AGO1: variants seen among roughly 807,000 people sequenced by gnomAD.
AGO1 encodes protein argonaute-1.
Under a neutral mutation model 109.2 loss-of-function variants are expected in AGO1, and 11 were observed. That is an observed-to-expected ratio of 0.10 (90% confidence interval 0.06 to 0.17). AGO1 has a LOEUF of 0.17. AGO1 is among the 10% of genes least tolerant of loss of function. The pLI, the probability that AGO1 is intolerant of heterozygous loss-of-function variation, is 1.00. For synonymous variants in AGO1, 422 were observed against 418.6 expected, an observed-to-expected ratio of 1.01 and a Z score of -0.10; for missense variants, 574 against 1,140.3, an observed-to-expected ratio of 0.50 and a Z score of 7.15.
intron 8 of AGO1, among the ~76,000 whole-genome samples, chr1:35,898,680 T>C (rs1645364057): frequency 6.6e-6 from 1 of 152,224 alleles, no homozygotes. Context: ...AATTATAATA[T>C]GAATCCATTG....
intron 1 of AGO1, among the ~76,000 whole-genome samples, chr1:35,870,377 A>C (rs867057479): frequency 4.0e-5 from 6 of 151,134 alleles, no homozygotes; most frequent in African/African-American, 1.2e-4. Flanking sequence ...TCCGCCTCCC[A>C]GGTTCACGCC....
At chr1:35,906,835 C>A in intron 11 of AGO1, 100 bp from the exon 12 acceptor site, 12 of 894,302 alleles carry the variant, frequency 1.3e-5, no homozygotes, top group South Asian at 1.9e-5. Flanking sequence ...ACCAATCTCT[C>A]AGTGCCTCTT....
intron 11 of AGO1, among the ~76,000 whole-genome samples, 176 bp downstream of exon 11, chr1:35,902,513 G>A (rs779987543): frequency 6.6e-6 from 1 of 152,090 alleles, no homozygotes; most frequent in African/African-American, 2.4e-5. Flanking sequence ...TGTGATCAGG[G>A]GAAGTTAATA....
intron 8 of AGO1, among the ~76,000 whole-genome samples, chr1:35,898,959 A>T (rs1223778494): frequency 1.3e-5 from 2 of 152,232 alleles, no homozygotes; most frequent in African/African-American, 4.8e-5. Context: ...GGCATTAAAT[A>T]CATTCATGCA....
At chr1:35,899,198 C>T (rs778580317) in intron 8 of AGO1, among the ~76,000 whole-genome samples, 34 of 152,162 alleles carry the variant, frequency 2.2e-4, no homozygotes, top group Admixed American at 3.9e-4. Context: ...AAGGTTCATC[C>T]GTGTTGTAGC....
At chr1:35,897,906 A>G (rs1571353448) in intron 8 of AGO1, among the ~76,000 whole-genome samples, 1 of 152,214 alleles carries the variant, frequency 6.6e-6, no homozygotes, top group East Asian at 1.9e-4. Context: ...GCAGTTATGC[A>G]CCATTCGTTC....
At chr1:35,876,462 T>C (rs1317257046) in intron 1 of AGO1, among the ~76,000 whole-genome samples, 1 of 152,006 alleles carries the variant, frequency 6.6e-6, no homozygotes. Flanking sequence ...GAGACTGGGT[T>C]TTACCGTGTT....
rs1187147064 is a variant in AGO1 at position 35,917,557 on chromosome 1, A to G, written c.2029-36A>G. ...TATGTGAACTCAAGAGGAACTGTGT[A>G]TTTCTTTGTTTCCCTCCCCATTTTT... On this transcript the variant is annotated intron_variant, in intron 15 of 18. Coordinates refer to ENST00000373204, the MANE Select transcript of AGO1 (RefSeq NM_012199.5). 10 of 1,598,788 alleles carry G rather than the reference A, an allele frequency of 6.3e-6. No homozygotes were observed. In the Admixed American group the frequency reaches 1.3e-4, roughly 21 times the overall value.
In AGO1 at chr1:35,901,898, A is replaced by G. The variant is rs1422772102; in HGVS notation, c.1141-50A>G. 1.6e-5 allele frequency: 24 copies of G among 1,538,802 alleles called. No individual in the cohort carries two copies. Among genetic ancestry groups the G allele is most frequent in the African/African-American group, 2.8e-5 (2 of 72,304 alleles). ...TCTCCTTGATACCCAGAGGGTGAGCAGTATTGCCAAGCTCCTGTTCTCCTG... is the reference window on the plus strand; with the variant it reads ...TCTCCTTGATACCCAGAGGGTGAGCGGTATTGCCAAGCTCCTGTTCTCCTG... On this transcript the variant is annotated intron_variant, in intron 9 of 18. Coordinates refer to ENST00000373204, the MANE Select transcript of AGO1 (RefSeq NM_012199.5). The surrounding 1 kb of genome is among the most constrained non-coding windows in gnomAD (Gnocchi z 4.8).
chr1:35,911,671 A>G (rs1157110146), intron 12 of AGO1, among the ~76,000 whole-genome samples: 3 of 152,206 alleles, frequency 2.0e-5, no homozygotes, highest in African/African-American at 7.2e-5. Context: ...CTTTTTAAAC[A>G]TGCTCAAATC....
At chr1:35,885,228 A>G (rs1032977478) in intron 1 of AGO1, among the ~76,000 whole-genome samples, 2 of 152,136 alleles carry the variant, frequency 1.3e-5, no homozygotes, top group Non-Finnish European at 2.9e-5. Flanking sequence ...CCAACAACCC[A>G]TGAACTAGAG....
chr1:35,881,082 T>C (rs531440336), upstream of AGO1, among the ~76,000 whole-genome samples: 1 of 152,378 alleles, frequency 6.6e-6, no homozygotes, highest in Non-Finnish European at 1.5e-5. Flanking sequence ...ATAATGTGCC[T>C]ACTATTACAT....
rs1434996955 is a variant in AGO1 at position 35,901,602 on chromosome 1, G to T, written c.1140+9G>T. ...AGGAGATCAGTCGCCTGGTCAGTGG[G>T]CCTACTCATTTGCTCAGTCATTGGG... On this transcript the variant is annotated intron_variant, in intron 9 of 18. Transcript: ENST00000373204. The surrounding 1 kb of genome is among the most constrained non-coding windows in gnomAD (Gnocchi z 4.8). The T allele has an allele frequency of 3.7e-6, 6 of 1,613,924 alleles. No individual in the cohort carries two copies. The highest frequency in any genetic ancestry group is 5.1e-6 in the Non-Finnish European group (6 of 1,179,986).
intron 8 of AGO1, among the ~76,000 whole-genome samples, chr1:35,898,812 G>A (rs1212127295): frequency 2.6e-5 from 4 of 152,138 alleles, no homozygotes; most frequent in East Asian, 3.8e-4. Flanking sequence ...TAGTTATGTA[G>A]GTCATTGAGT....
In AGO1 at chr1:35,919,341, G is replaced by A. The variant is rs1645791495; in HGVS notation, c.2465+87G>A. 6.6e-7 allele frequency: 1 copy of A among 1,508,330 alleles called. No homozygotes were observed. The highest frequency in any genetic ancestry group is 9.0e-7 in the Non-Finnish European group (1 of 1,110,592). The allele number at this position is 1,508,330 out of a possible 1,614,324, so 93.4% of individuals were successfully genotyped here. ...ACTTTCCTTGGGTAGAAGGAAATGAGTGCTGTCCAATTTGGTGTCATTGGG... is the reference window on the plus strand; with the variant it reads ...ACTTTCCTTGGGTAGAAGGAAATGAATGCTGTCCAATTTGGTGTCATTGGG... On this transcript the variant is annotated intron_variant, in intron 18 of 18. Transcript: ENST00000373204. The surrounding 1 kb of genome is among the most constrained non-coding windows in gnomAD (Gnocchi z 6.6).
At position 35,911,127 on chromosome 1, in the gene AGO1, T is replaced by C. The variant is rs564744803; in HGVS notation, c.1583-2715T>C. On this transcript the variant is annotated intron_variant, in intron 12 of 18. Transcript: ENST00000373204. Reference sequence around the variant, plus strand: ...CACTCTTCTTTGTGTCCTTTGAACATGTATAACCATTTTTCTTGGGAGTAT... The same window carrying C: ...CACTCTTCTTTGTGTCCTTTGAACACGTATAACCATTTTTCTTGGGAGTAT... 7.2e-5 allele frequency among the ~76,000 whole-genome samples: 11 copies of C among 152,300 alleles called. No individual in the cohort carries two copies. In the South Asian group the frequency reaches 2.3e-3, roughly 32 times the overall value.
rs57740033 is a variant in AGO1, at chr1:35,900,492, C to T, written c.1021-982C>T. On this transcript the variant is annotated intron_variant, in intron 8 of 18. Transcript: ENST00000373204. ...CCTGTAATCCCAGCACTTTGGGAGG[C>T]GGAGGTGGGTGGATCACCTGAGGTC... Among the ~76,000 whole-genome samples, 1,018 of 152,186 alleles carry T rather than the reference C, an allele frequency of 6.7e-3. 8 individuals are homozygous for T. The highest frequency in any genetic ancestry group is 0.023 in the African/African-American group (965 of 41,512).
In AGO1 at chr1:35,927,674, T is replaced by C. The variant is rs1255212265; in HGVS notation, c.*8067T>C. 6.6e-6 allele frequency: 1 copy of C among 152,220 alleles called. No homozygotes were observed. The highest frequency in any genetic ancestry group is 6.5e-5 in the Admixed American group (1 of 15,292). 9.4% of individuals were successfully genotyped at this position (152,220 alleles called of 1,614,324 possible). A position where few individuals can be genotyped will look rare whatever the true frequency, so the allele number is the denominator to read the frequency against. On this transcript the variant is annotated 3_prime_UTR_variant, in exon 19 of 19. Coordinates refer to ENST00000373204, the MANE Select transcript of AGO1 (RefSeq NM_012199.5). Reference sequence around the variant, plus strand: ...TTAATGAATTATCCTTTGAGTCGTGTAGACTAGAAAGTTCAGTCATGTCTA... The same window carrying C: ...TTAATGAATTATCCTTTGAGTCGTGCAGACTAGAAAGTTCAGTCATGTCTA...
At chr1:35,908,816 CT>C (rs397861392) in intron 12 of AGO1, among the ~76,000 whole-genome samples, 6,391 of 131,306 alleles carry the variant, frequency 0.049, 67 homozygotes, top group Non-Finnish European at 0.061. Flanking sequence ...TCTAACCTTC[CT>C]TTTTTTTTTT....
Sources: allele counts gnomAD v4.1 joint callset (sites outside exome capture counted in the v4.1 genomes callset), GRCh38; gene constraint gnomAD v4.1.1; non-coding constraint Gnocchi (gnomAD v3.1); transcripts MANE v1.5; gene names NCBI Gene and HGNC (gene_info 2026-07-23, HGNC 2026-07-21).